MTUS2: variants seen among roughly 807,000 people sequenced by gnomAD.
MTUS2 encodes the protein microtubule-associated tumor suppressor candidate 2.
A neutral mutation model predicts 114.1 loss-of-function variants in MTUS2; 40 were observed. That is an observed-to-expected ratio of 0.35 (90% CI 0.27 to 0.46). The LOEUF (loss-of-function observed/expected upper bound fraction) is 0.46, where lower values mean the gene tolerates loss of function less well. Among genes scored for constraint, MTUS2 ranks in the 20% least tolerant of loss-of-function variants. The pLI, the probability that MTUS2 is intolerant of heterozygous loss-of-function variation, is 1.00. For synonymous variants in MTUS2, 688 were observed against 672.0 expected (o/e 1.02, Z -0.37); for missense variants, 1,679 against 1,705.4 (o/e 0.98, Z 0.27).
chr13:29,440,655 C>G (rs1473045156), intron 9 of MTUS2, among the ~76,000 whole-genome samples: 1 of 152,172 alleles, frequency 6.6e-6, no homozygotes, highest in African/African-American at 2.4e-5. Flanking sequence ...CATCTTCCCT[C>G]TCGACCATCT....
At chr13:29,006,286 A>G (rs1261078743) in intron 2 of MTUS2, among the ~76,000 whole-genome samples, 3 of 152,234 alleles carry the variant, frequency 2.0e-5, no homozygotes, top group Non-Finnish European at 4.4e-5. Flanking sequence ...ACAAACAGCA[A>G]CAAAACTCCT....
At chr13:29,167,199 C>T (rs1893352057) in intron 5 of MTUS2, among the ~76,000 whole-genome samples, 1 of 152,200 alleles carries the variant, frequency 6.6e-6, no homozygotes, top group Non-Finnish European at 1.5e-5. Context: ...ACCGTGAAAC[C>T]TTGTTTCTAC....
chr13:29,431,936 C>G (rs1188586528), intron 8 of MTUS2, among the ~76,000 whole-genome samples: 1 of 151,802 alleles, frequency 6.6e-6, no homozygotes, highest in Non-Finnish European at 1.5e-5. Context: ...ACTTGAACTC[C>G]CAGACTCAAA....
chr13:29,218,789 A>G (rs920650814), intron 5 of MTUS2, among the ~76,000 whole-genome samples: 3 of 152,208 alleles, frequency 2.0e-5, no homozygotes, highest in East Asian at 3.9e-4. Context: ...CTTAAAATAT[A>G]TAGTAAATCA....
chr13:29,082,693 T>G (rs1441310772), intron 4 of MTUS2, among the ~76,000 whole-genome samples: 2 of 152,174 alleles, frequency 1.3e-5, no homozygotes, highest in African/African-American at 4.8e-5. Context: ...CAAGGCATAA[T>G]GGAGACCTGG....
Position 29,323,609 on chromosome 13 carries a change from A to G in MTUS2, c.2807-1004A>G, listed in dbSNP as rs187564565. On this transcript the variant is annotated intron_variant, in intron 6 of 15. Coordinates refer to ENST00000612955, the MANE Select transcript of MTUS2 (RefSeq NM_001033602.4). ...ACTGATAAGAAAAAGATCTCCAAAA[A>G]TGTGGGTAGGTAAAAAGAAATTGCA... Among the ~76,000 whole-genome samples the G allele has an allele frequency of 6.3e-4, 96 of 152,310 alleles. No homozygotes were observed. In the Middle Eastern group the frequency reaches 0.027, roughly 43 times the overall value.
At chr13:29,067,097 T>A (rs57058094) in intron 4 of MTUS2, among the ~76,000 whole-genome samples, 280 of 151,960 alleles carry the variant, frequency 1.8e-3, no homozygotes, top group African/African-American at 6.6e-3. Context: ...ACATGCAGAG[T>A]TTGAGGTTCC....
chr13:29,221,432 G>A (rs1314761930), intron 5 of MTUS2, among the ~76,000 whole-genome samples: 2 of 151,858 alleles, frequency 1.3e-5, no homozygotes, highest in African/African-American at 4.8e-5. Context: ...AGTGTAGATG[G>A]TATCTTATTG....
At chr13:28,858,543 A>G (rs1876776113) in intron 2 of MTUS2, among the ~76,000 whole-genome samples, 1 of 152,168 alleles carries the variant, frequency 6.6e-6, no homozygotes, top group South Asian at 2.1e-4. Context: ...TGTGTTTTGA[A>G]GGTTTGCTGC....
At chr13:29,260,655 C>A (rs958079446) in intron 5 of MTUS2, among the ~76,000 whole-genome samples, 1 of 152,190 alleles carries the variant, frequency 6.6e-6, no homozygotes, top group African/African-American at 2.4e-5. Flanking sequence ...ATGCTTTTAG[C>A]AAGAAAGCTA....
chr13:29,491,312 G>T (rs1205921544), intron 11 of MTUS2, among the ~76,000 whole-genome samples: 1 of 150,840 alleles, frequency 6.6e-6, no homozygotes, highest in Non-Finnish European at 1.5e-5. Context: ...AGGCGTGGCA[G>T]GTTATGAGGG....
At chr13:28,927,215 T>G (rs1429460830) in intron 2 of MTUS2, among the ~76,000 whole-genome samples, 2 of 152,226 alleles carry the variant, frequency 1.3e-5, no homozygotes, top group African/African-American at 4.8e-5. Flanking sequence ...CTTGATTCAA[T>G]AAACACTTTT....
intron 5 of MTUS2, among the ~76,000 whole-genome samples, chr13:29,108,445 A>G (rs911987923): frequency 6.6e-5 from 10 of 152,220 alleles, no homozygotes; most frequent in Admixed American, 1.3e-4. Context: ...TATTTATAGT[A>G]CAAATAATGT....
chr13:29,268,211 G>A lies in MTUS2; in HGVS notation c.2645-13493G>A, dbSNP rs74668290. ...ATCAGATTTAAGGAATGAATGAGTA[G>A]CAAGAATGAGGAAGGGACAATAAGC... On this transcript the variant is annotated intron_variant, in intron 5 of 15. Coordinates refer to ENST00000612955, the MANE Select transcript of MTUS2 (RefSeq NM_001033602.4). Among the ~76,000 whole-genome samples the A allele has an allele frequency of 2.7e-4, 41 of 152,250 alleles. No homozygotes were observed. The East Asian group carries it at 3.5e-3, about 13-fold the overall frequency.
chr13:28,846,550 C>T (rs2138010806), intron 2 of MTUS2, among the ~76,000 whole-genome samples: 1 of 152,288 alleles, frequency 6.6e-6, no homozygotes, highest in South Asian at 2.1e-4. Flanking sequence ...TTAATCTCCA[C>T]AGACTATTAT....
At position 29,503,262 on chromosome 13, in the gene MTUS2, A is replaced by AG; in HGVS notation, c.*59dup. 1 of 1,592,474 alleles carries AG rather than the reference A, an allele frequency of 6.3e-7. No individual in the cohort carries two copies. The highest frequency in any genetic ancestry group is 8.6e-7 in the Non-Finnish European group (1 of 1,167,766). ...TTCTCGTCCTCCGGTCTCCACCCTG[A>AG]GGGAGCACCGACCCGGTGCCGCCGG... On this transcript the variant is annotated 3_prime_UTR_variant, in exon 16 of 16. Coordinates refer to ENST00000612955, the MANE Select transcript of MTUS2 (RefSeq NM_001033602.4).
rs543658801 is a variant in MTUS2 at position 28,994,153 on chromosome 13, T to G, written c.-242-30304T>G. ...ACCTATGAGTGAGAACATGCAGTGT[T>G]TGGTTTTTTGTCCTTGGGATAGTTT... On this transcript the variant is annotated intron_variant, in intron 2 of 15. Coordinates refer to ENST00000612955, the MANE Select transcript of MTUS2 (RefSeq NM_001033602.4). 2.0e-5 allele frequency among the ~76,000 whole-genome samples: 3 copies of G among 152,248 alleles called. No individual in the cohort carries two copies. In the East Asian group the frequency reaches 5.8e-4, roughly 29 times the overall value.
intron 8 of MTUS2, among the ~76,000 whole-genome samples, chr13:29,369,225 A>G (rs1380403043): frequency 6.6e-6 from 1 of 152,170 alleles, no homozygotes; most frequent in Non-Finnish European, 1.5e-5. Flanking sequence ...TCTATTATCA[A>G]ACGGTTTATT....
At position 29,026,269 on chromosome 13, in the gene MTUS2, C is replaced by G; in HGVS notation, c.1571C>G (p.Ala524Gly). 6.2e-7 allele frequency: 1 copy of G among 1,613,990 alleles called. No homozygotes were observed. Among genetic ancestry groups the G allele is most frequent in the Non-Finnish European group, 8.5e-7 (1 of 1,179,892 alleles). ...GCAGATAAGATTGAAAGCACCTCAG[C>G]AAGAGCAGATTCAGTTCTCAATATT... ...ENADKIESTS[A>G]RADSVLNIPA... Residue 524 changes from alanine (A) to glycine (G), a missense_variant, in exon 3 of 16, where the codon GCA becomes GGA. Coordinates refer to ENST00000612955, the MANE Select transcript of MTUS2 (RefSeq NM_001033602.4).
Sources: allele counts gnomAD v4.1 joint callset (sites outside exome capture counted in the v4.1 genomes callset), GRCh38; gene constraint gnomAD v4.1.1; transcripts MANE v1.5; gene names NCBI Gene and HGNC (gene_info 2026-07-23, HGNC 2026-07-21).